Variants in RNF150 observed in about 807,000 individuals in gnomAD.
The protein encoded by RNF150 is ring finger protein 150.
A neutral mutation model predicts 39.3 loss-of-function variants in RNF150; 24 were observed. The observed-to-expected ratio is 0.61, with a 90% CI of 0.44 to 0.86. The LOEUF (loss-of-function observed/expected upper bound fraction) is 0.86. RNF150 is among the 40% of genes least tolerant of loss of function. The pLI is 0.00. For synonymous variants in RNF150, 255 were observed against 227.3 expected, an observed-to-expected ratio of 1.12 and a Z score of -1.10; for missense variants, 502 against 587.8, an observed-to-expected ratio of 0.85 and a Z score of 1.51.
At chr4:141,099,062 T>C (rs776456928) in intron 1 of RNF150, among the ~76,000 whole-genome samples, 22 of 152,200 alleles carry the variant, frequency 1.4e-4, no homozygotes, top group Non-Finnish European at 2.4e-4. Flanking sequence ...TCTCATTATT[T>C]CTGCCACTCT....
intron 1 of RNF150, among the ~76,000 whole-genome samples, chr4:141,168,986 G>A (rs965284231): frequency 6.6e-6 from 1 of 152,122 alleles, no homozygotes; most frequent in South Asian, 2.1e-4. Flanking sequence ...GAGAAGGCAT[G>A]ATTGTATTTT....
In RNF150 at chr4:141,132,224, C is replaced by T; in HGVS notation, c.484+101G>A. 2.4e-6 allele frequency: 3 copies of T among 1,264,120 alleles called. No individual in the cohort carries two copies. Among genetic ancestry groups the T allele is most frequent in the Non-Finnish European group, 3.3e-6 (3 of 912,382 alleles). The allele number at this position is 1,264,120 out of a possible 1,614,324, so 78.3% of individuals were successfully genotyped here. A position where few individuals can be genotyped will look rare whatever the true frequency, so the allele number is the denominator to read the frequency against. Reference sequence around the variant, plus strand: ...GGGAACCCAGACACGTCTTCCGCGCCGCACGGACTTCCCAGAAGGAGCCTG... The same window carrying T: ...GGGAACCCAGACACGTCTTCCGCGCTGCACGGACTTCCCAGAAGGAGCCTG... On this transcript the variant is annotated intron_variant, in intron 1 of 6. Transcript: ENST00000515673. The surrounding 1 kb of genome is among the most constrained non-coding windows in gnomAD (Gnocchi z 4.9).
At chr4:141,154,268 C>T (rs771387884) in intron 1 of RNF150, among the ~76,000 whole-genome samples, 7 of 152,188 alleles carry the variant, frequency 4.6e-5, no homozygotes, top group Non-Finnish European at 7.3e-5. Context: ...TTCCAACTTA[C>T]GTTCTTCCCA....
chr4:141,174,797 G>T (rs1292184909), intron 1 of RNF150, among the ~76,000 whole-genome samples: 2 of 151,520 alleles, frequency 1.3e-5, no homozygotes, highest in Non-Finnish European at 2.9e-5. Context: ...GATAAAGTTG[G>T]AAGAGAATAT....
chr4:141,030,430 A>G (rs1051771882), intron 1 of RNF150, among the ~76,000 whole-genome samples: 2 of 152,192 alleles, frequency 1.3e-5, no homozygotes, highest in African/African-American at 4.8e-5. Flanking sequence ...ATGCTCCAGG[A>G]ATCATATGAT....
intron 1 of RNF150, among the ~76,000 whole-genome samples, chr4:141,143,385 C>T (rs890150893): frequency 1.3e-5 from 2 of 152,184 alleles, no homozygotes; most frequent in Admixed American, 1.3e-4. Context: ...CTTGCTTTCC[C>T]TCACTGCTCC....
chr4:141,151,441 CACACACACACACACACACACAG>C (rs761952059), intron 1 of RNF150, among the ~76,000 whole-genome samples: 9,526 of 103,488 alleles, frequency 0.092, 425 homozygotes, highest in African/African-American at 0.13. Flanking sequence ...CACACACACA[CACACACACACACACACACACAG>C]ACACACACAC....
intron 1 of RNF150, among the ~76,000 whole-genome samples, chr4:141,057,671 G>A (rs1737038031): frequency 1.3e-5 from 2 of 152,032 alleles, no homozygotes; most frequent in South Asian, 4.2e-4. Context: ...GACCTCCTTG[G>A]TTTCCTGATA....
chr4:141,000,657 A>C (rs974103801), intron 1 of RNF150, among the ~76,000 whole-genome samples: 9 of 150,978 alleles, frequency 6.0e-5, no homozygotes, highest in African/African-American at 2.2e-4. Flanking sequence ...TTGATTTAGA[A>C]TTTTTGACTT....
chr4:140,868,151 G>A lies in RNF150; in HGVS notation c.*110C>T. The A allele has an allele frequency of 1.4e-6, 1 of 700,438 alleles. No homozygotes were observed. The highest frequency in any genetic ancestry group is 2.5e-5 in the East Asian group (1 of 39,226). The allele number at this position is 700,438 out of a possible 1,614,324, so 43.4% of individuals were successfully genotyped here. A position where few individuals can be genotyped will look rare whatever the true frequency, so the allele number is the denominator to read the frequency against. On this transcript the variant is annotated 3_prime_UTR_variant, in exon 7 of 7. Transcript: ENST00000515673. ...CAGCATTCTTGAACGGAGCGCCCTG[G>A]AGTTGCCAAGGTGATCTGGAGGTGT...
intron 1 of RNF150, among the ~76,000 whole-genome samples, chr4:141,197,278 AAT>A (rs1393136774): frequency 6.6e-6 from 1 of 152,222 alleles, no homozygotes; most frequent in East Asian, 1.9e-4. Context: ...TGAGTTATGC[AAT>A]AACAAATTTA....
rs1033382417 is a variant in RNF150 at position 141,114,582 on chromosome 4, G to A, written c.484+17743C>T. ...CAAATTCACAGCCGAATTCTACCAA[G>A]AGCCGGTACCATTCCTTCTGAAACT... On this transcript the variant is annotated intron_variant, in intron 1 of 6. Transcript: ENST00000515673. Among the ~76,000 whole-genome samples, 104 of 152,256 alleles carry A rather than the reference G, an allele frequency of 6.8e-4. 1 individual carries two copies. The highest frequency in any genetic ancestry group is 2.4e-3 in the African/African-American group (101 of 41,536).
intron 1 of RNF150, chr4:141,053,743 G>A (rs769134515): frequency 1.6e-5 from 22 of 1,341,938 alleles, no homozygotes; most frequent in East Asian, 6.0e-5. Flanking sequence ...TGTGAACAAC[G>A]ATAAAAATGA....
At chr4:140,899,974 C>CTGTG (rs71852763) in intron 6 of RNF150, among the ~76,000 whole-genome samples, 6 of 69,216 alleles carry the variant, frequency 8.7e-5, no homozygotes, top group African/African-American at 2.2e-4. Context: ...CTCTCTCTCT[C>CTGTG]TGTGTGTGTG....
At chr4:140,964,092 A>G (rs753679692) in intron 2 of RNF150, among the ~76,000 whole-genome samples, 47 of 152,248 alleles carry the variant, frequency 3.1e-4, no homozygotes, top group Non-Finnish European at 6.0e-4. Context: ...AGATAACAGA[A>G]AAAACAGGAT....
At chr4:141,163,342 G>A (rs1727546636) in intron 1 of RNF150, among the ~76,000 whole-genome samples, 1 of 152,356 alleles carries the variant, frequency 6.6e-6, no homozygotes, top group Middle Eastern at 3.4e-3. Context: ...CCCTGGGACA[G>A]AGCACCTGAG....
chr4:141,050,072 A>G (rs11942639), intron 1 of RNF150, among the ~76,000 whole-genome samples: 80 of 152,254 alleles, frequency 5.3e-4, no homozygotes, highest in African/African-American at 1.8e-3. Context: ...AAATATTTAT[A>G]AAATAGCAAA....
chr4:140,942,155 T>C (rs1372209271), intron 4 of RNF150, among the ~76,000 whole-genome samples: 5 of 152,142 alleles, frequency 3.3e-5, no homozygotes, highest in Admixed American at 6.5e-5. Context: ...TTATGTTATA[T>C]ACATTTTACC....
At chr4:141,112,510 T>A (rs1739417224) in intron 1 of RNF150, among the ~76,000 whole-genome samples, 1 of 152,182 alleles carries the variant, frequency 6.6e-6, no homozygotes, top group African/African-American at 2.4e-5. Flanking sequence ...GGTAAGAAAT[T>A]CTGGGTTGAA....
Sources: allele counts gnomAD v4.1 joint callset (sites outside exome capture counted in the v4.1 genomes callset), GRCh38; gene constraint gnomAD v4.1.1; non-coding constraint Gnocchi (gnomAD v3.1); transcripts MANE v1.5; gene names NCBI Gene and HGNC (gene_info 2026-07-23, HGNC 2026-07-21).